The following IL1R2 variants were observed in gnomAD, a reference collection of about 807,000 sequenced individuals.
IL1R2 encodes interleukin-1 receptor type 2.
IL1R2 carries 46 observed loss-of-function variants against 39.5 expected under a neutral mutation model. The ratio of observed to expected loss-of-function variants is 1.16; its 90% CI spans 0.92 to 1.49. IL1R2 has a LOEUF of 1.49. Ranked by LOEUF, IL1R2 falls within the 40% of genes most tolerant of loss-of-function variation. The pLI, the probability that IL1R2 is intolerant of heterozygous loss-of-function variation, is 0.00. For missense variants in IL1R2, 537 were observed against 502.0 expected (o/e 1.07, Z -0.67); for synonymous variants, 207 against 189.6 (o/e 1.09, Z -0.75).
rs1677234961 is a variant in IL1R2, at chr2:102,019,682, G to T, written c.558G>T (p.Val186=). 1 of 1,613,986 alleles carries T rather than the reference G, an allele frequency of 6.2e-7. No individual in the cohort carries two copies. ...AAGACAATGAGAAATTTCTAAGTGT[G>T]AGGGGGACCACTCACTTACTCGTAC... is the stretch of plus-strand genomic sequence containing the variant. ...LDKDNEKFLS[V]RGTTHLLVHD... The change falls in exon 5 of 9, where the codon GTG becomes GTT. Residue 186 remains valine, a synonymous_variant. Coordinates refer to ENST00000332549, the MANE Select transcript of IL1R2 (RefSeq NM_004633.4).
At chr2:102,008,673 G>A (rs916478840) in intron 2 of IL1R2, 31 bp downstream of exon 2, 1 of 1,584,388 alleles carries the variant, frequency 6.3e-7, no homozygotes, top group Non-Finnish European at 8.7e-7. Context: ...ATGCAAAAAG[G>A]CTTGCCTGTA....
rs565655684 is a variant in IL1R2, at chr2:102,014,714, T to C, written c.333-1157T>C. On this transcript the variant is annotated intron_variant, in intron 3 of 8. Coordinates refer to ENST00000332549, the MANE Select transcript of IL1R2 (RefSeq NM_004633.4). ...GCTGTGCAAGTAATTTTTACCCCTA[T>C]ATGTAAAACTCGTCCTTATTGTCTC... Among the ~76,000 whole-genome samples the C allele has an allele frequency of 2.8e-3, 423 of 152,172 alleles. 10 individuals are homozygous for C. Among genetic ancestry groups the C allele is most frequent in the Non-Finnish European group, 3.7e-3 (254 of 67,990 alleles).
intron 3 of IL1R2, among the ~76,000 whole-genome samples, chr2:102,011,027 A>C (rs1003721914): frequency 6.6e-6 from 1 of 152,206 alleles, no homozygotes; most frequent in Admixed American, 6.5e-5. Context: ...CACTTAGCAT[A>C]GTGTTTTCAA....
intron 3 of IL1R2, among the ~76,000 whole-genome samples, chr2:102,011,184 A>AC (rs1676607451): frequency 6.6e-6 from 1 of 152,230 alleles, no homozygotes; most frequent in Non-Finnish European, 1.5e-5. Context: ...AGCTATTGTG[A>AC]ATCCAATATG....
At chr2:102,013,438 C>T (rs7570875) in intron 3 of IL1R2, among the ~76,000 whole-genome samples, 23,708 of 138,590 alleles carry the variant, frequency 0.17, 2,205 homozygotes, top group East Asian at 0.32. Flanking sequence ...GGATGCAAGC[C>T]ATCAGAGAGG....
rs766145568 is a variant in IL1R2 at position 102,019,646 on chromosome 2, T to C, written c.522T>C (p.Leu174=). The part of the protein sequence containing the change: ...DVKIQWYKDS[L]LLDKDNEKFL... ...AAACATTTTCCCTTAAGGATTCTCT[T>C]CTTTTGGATAAAGACAATGAGAAAT... is the stretch of plus-strand genomic sequence containing the variant. The change falls in exon 5 of 9, where the codon CTT becomes CTC. Residue 174 remains leucine, a synonymous_variant. Transcript: ENST00000332549. The C allele has an allele frequency of 1.9e-6, 3 of 1,610,786 alleles. No homozygotes were observed. Among genetic ancestry groups the C allele is most frequent in the Non-Finnish European group, 2.5e-6 (3 of 1,178,002 alleles).
chr2:102,005,013 T>G (rs985506203), intron 1 of IL1R2, among the ~76,000 whole-genome samples: 1 of 152,200 alleles, frequency 6.6e-6, no homozygotes, highest in African/African-American at 2.4e-5. Context: ...TCCAGCCATA[T>G]CATTTGAAGA....
intron 1 of IL1R2, among the ~76,000 whole-genome samples, chr2:101,993,582 C>T (rs370962491): frequency 2.7e-5 from 4 of 150,916 alleles, no homozygotes; most frequent in South Asian, 4.2e-4. Flanking sequence ...CTGCCTGTTT[C>T]TCTCTCTCTC....
chr2:102,004,161 A>G (rs1368477452), intron 1 of IL1R2, among the ~76,000 whole-genome samples: 1 of 152,212 alleles, frequency 6.6e-6, no homozygotes, highest in Non-Finnish European at 1.5e-5. Flanking sequence ...TTGTCATACT[A>G]TGCTTTCAAC....
At chr2:102,008,450 C>CTTGGGA in intron 1 of IL1R2, 65 bp from the exon 2 acceptor site, 1 of 757,574 alleles carries the variant, frequency 1.3e-6, no homozygotes, top group Non-Finnish European at 2.4e-6. Context: ...GCCCCTACCC[C>CTTGGGA]GTCTTCAAGG....
chr2:102,017,808 C>G (rs567249186), intron 4 of IL1R2, among the ~76,000 whole-genome samples: 5 of 152,156 alleles, frequency 3.3e-5, no homozygotes, highest in African/African-American at 1.2e-4. Flanking sequence ...TGATGGAGAC[C>G]CTGCAGACTC....
intron 3 of IL1R2, among the ~76,000 whole-genome samples, 171 bp from the exon 4 acceptor site, chr2:102,015,700 T>C (rs1676950251): frequency 1.3e-5 from 2 of 152,334 alleles, no homozygotes; most frequent in African/African-American, 2.4e-5. Context: ...TTTGCAGCAT[T>C]GTAAAGTCAA....
At chr2:102,022,095 A>T in intron 5 of IL1R2, 92 bp from the exon 6 acceptor site, 1 of 1,040,340 alleles carries the variant, frequency 9.6e-7, no homozygotes, top group South Asian at 1.3e-5. Flanking sequence ...ACTGGAAAGG[A>T]TAACTTAGTT....
At position 102,015,970 on chromosome 2, in the gene IL1R2, G is replaced by A; in HGVS notation, c.432G>A (p.Leu144=). 6.2e-7 allele frequency: 1 copy of A among 1,613,792 alleles called. No individual in the cohort carries two copies. The highest frequency in any genetic ancestry group is 1.3e-5 in the African/African-American group (1 of 74,960). The stretch of plus-strand genomic sequence containing the variant: ...TCTCATACCCGCAAATTTTAACCTT[G>A]TCAACCTCTGGGGTATTAGTATGCC... ...PFISYPQILT[L]STSGVLVCPD... is the part of the protein sequence containing the mutation. Residue 144 remains leucine (L), a synonymous_variant, in exon 4 of 9, where the codon TTG becomes TTA. Transcript: ENST00000332549.
At chr2:101,992,281 G>T (rs1355373970) in intron 1 of IL1R2, among the ~76,000 whole-genome samples, 1 of 102,398 alleles carries the variant, frequency 9.8e-6, no homozygotes. Flanking sequence ...AGAGACAGAG[G>T]CAGAGAGACA....
At position 102,022,086 on chromosome 2, in the gene IL1R2, C is replaced by T. The variant is rs374690096; in HGVS notation, c.689-101C>T. 6.8e-5 allele frequency: 65 copies of T among 957,512 alleles called. 1 individual carries two copies. The highest frequency in any genetic ancestry group is 6.1e-4 in the South Asian group (45 of 74,322). The allele number at this position is 957,512 out of a possible 1,614,324, so 59.3% of individuals were successfully genotyped here. A position where few individuals can be genotyped will look rare whatever the true frequency, so the allele number is the denominator to read the frequency against. ...CTGACTCTCATAATGACTGGCCATA[C>T]TGGAAAGGATAACTTAGTTGATTAG... is the stretch of plus-strand genomic sequence containing the variant. On this transcript the variant is annotated intron_variant, in intron 5 of 8. Coordinates refer to ENST00000332549, the MANE Select transcript of IL1R2 (RefSeq NM_004633.4).
At chr2:102,006,194 C>G (rs1395555676) in intron 1 of IL1R2, among the ~76,000 whole-genome samples, 2 of 152,060 alleles carry the variant, frequency 1.3e-5, no homozygotes, top group Non-Finnish European at 2.9e-5. Context: ...TGGCTTGGAC[C>G]AGTATAGTTG....
chr2:102,013,575 G>GAAAAAAAAAAAAAAAAAAAAAA (rs1676796466), intron 3 of IL1R2, among the ~76,000 whole-genome samples: 2 of 60,776 alleles, frequency 3.3e-5, no homozygotes, highest in Admixed American at 1.6e-4. Context: ...AAGAAAAGAA[G>GAAAAAAAAAAAAAAAAAAAAAA]GAAAAGAAAA....
At chr2:101,993,410 A>T (rs144531458) in intron 1 of IL1R2, among the ~76,000 whole-genome samples, 1 of 152,250 alleles carries the variant, frequency 6.6e-6, no homozygotes, top group East Asian at 1.9e-4. Context: ...TCAGGACTTA[A>T]GGTCACCCTC....
Sources: allele counts gnomAD v4.1 joint callset (sites outside exome capture counted in the v4.1 genomes callset), GRCh38; gene constraint gnomAD v4.1.1; transcripts MANE v1.5; gene names NCBI Gene and HGNC (gene_info 2026-07-23, HGNC 2026-07-21).